Variants in NRXN3 observed in about 807,000 individuals in gnomAD.
The protein encoded by NRXN3 is neurexin III.
A neutral mutation model predicts 137.6 loss-of-function variants in NRXN3; 32 were observed. The observed-to-expected ratio is 0.23, with a 90% CI of 0.18 to 0.31. The LOEUF (loss-of-function observed/expected upper bound fraction) is 0.31, where lower values mean the gene tolerates loss of function less well. Ranked by LOEUF, NRXN3 falls within the 10% of genes least tolerant of loss-of-function variation. The pLI is 1.00. For missense variants in NRXN3, 1,574 were observed against 2,062.5 expected, an observed-to-expected ratio of 0.76 and a Z score of 4.59; for synonymous variants, 798 against 784.5, an observed-to-expected ratio of 1.02 and a Z score of -0.29.
chr14:79,115,106 A>G (rs1247545089), intron 15 of NRXN3, among the ~76,000 whole-genome samples: 1 of 152,044 alleles, frequency 6.6e-6, no homozygotes, highest in African/African-American at 2.4e-5. Flanking sequence ...AGGGCGAATC[A>G]CCTGAGGTCA....
At chr14:79,324,219 A>G (rs2090518835) in intron 15 of NRXN3, among the ~76,000 whole-genome samples, 1 of 152,222 alleles carries the variant, frequency 6.6e-6, no homozygotes, top group African/African-American at 2.4e-5. Flanking sequence ...GCCGTTTAGT[A>G]AAGGAAATGA....
intron 4 of NRXN3, among the ~76,000 whole-genome samples, chr14:78,505,000 A>G (rs900347640): frequency 1.3e-5 from 2 of 152,130 alleles, no homozygotes; most frequent in Non-Finnish European, 2.9e-5. Flanking sequence ...CCCTAAGGTT[A>G]CACAAAGCTC....
At chr14:78,398,822 G>T (rs2091771103) in intron 4 of NRXN3, among the ~76,000 whole-genome samples, 2 of 152,278 alleles carry the variant, frequency 1.3e-5, no homozygotes, top group Middle Eastern at 3.4e-3. Flanking sequence ...TGGAGGTGGA[G>T]GGTTTTGTTG....
chr14:79,473,739 A>G (rs1176864175), intron 16 of NRXN3, among the ~76,000 whole-genome samples: 2 of 147,598 alleles, frequency 1.4e-5, no homozygotes, highest in Non-Finnish European at 3.0e-5. Context: ...ATTTCCTTCC[A>G]TCGCTATTTG....
intron 15 of NRXN3, among the ~76,000 whole-genome samples, chr14:79,381,598 C>T (rs1318042732): frequency 6.6e-6 from 1 of 152,074 alleles, no homozygotes; most frequent in Non-Finnish European, 1.5e-5. Context: ...TCTTTGTACC[C>T]AGGAGTCTAT....
chr14:78,673,948 C>T (rs780356327), intron 6 of NRXN3, among the ~76,000 whole-genome samples: 12 of 152,170 alleles, frequency 7.9e-5, no homozygotes, highest in Admixed American at 2.6e-4. Flanking sequence ...GGGAGTGGAA[C>T]GTAAGACAGC....
intron 10 of NRXN3, among the ~76,000 whole-genome samples, chr14:78,893,142 C>T (rs1008661355): frequency 3.3e-4 from 50 of 151,902 alleles, no homozygotes; most frequent in Admixed American, 5.2e-4. Flanking sequence ...TCTTTCTCTT[C>T]CCCTGGGTCA....
chr14:79,579,472 T>G (rs981181119), intron 16 of NRXN3, among the ~76,000 whole-genome samples: 1 of 151,444 alleles, frequency 6.6e-6, no homozygotes, highest in African/African-American at 2.4e-5. Flanking sequence ...ATGTAGCCAA[T>G]CTATGTGTGA....
chr14:79,195,100 G>A (rs1003641208), intron 15 of NRXN3, among the ~76,000 whole-genome samples: 11 of 152,012 alleles, frequency 7.2e-5, no homozygotes, highest in Middle Eastern at 3.4e-3. Context: ...GAGTGATAAC[G>A]AATGATGTCT....
chr14:79,760,639 G>C (rs1221534940), intron 19 of NRXN3: 3 of 151,466 alleles, frequency 2.0e-5, no homozygotes, highest in East Asian at 1.9e-4. Flanking sequence ...TGCAAAGAAA[G>C]AGCCTTACCC....
intron 1 of NRXN3, among the ~76,000 whole-genome samples, chr14:78,241,366 A>G (rs974917897): frequency 5.3e-5 from 8 of 152,202 alleles, no homozygotes; most frequent in Non-Finnish European, 1.0e-4. Context: ...GCTGTGGCTC[A>G]TGCCTGTAAT....
At chr14:78,652,940 A>C (rs1414653912) in intron 6 of NRXN3, among the ~76,000 whole-genome samples, 1 of 152,238 alleles carries the variant, frequency 6.6e-6, no homozygotes, top group Non-Finnish European at 1.5e-5. Flanking sequence ...GCACATACTA[A>C]ATGCTCTAAT....
At chr14:78,456,797 CTCTCTT>C (rs1358599093) in intron 4 of NRXN3, among the ~76,000 whole-genome samples, 8 of 147,736 alleles carry the variant, frequency 5.4e-5, no homozygotes, top group Admixed American at 4.1e-4. Context: ...CTCTCTCTTT[CTCTCTT>C]TCTTTCTTTC....
At chr14:78,235,040 G>GGATATATATATATATA (rs2066078673) in intron 1 of NRXN3, among the ~76,000 whole-genome samples, 1 of 103,812 alleles carries the variant, frequency 9.6e-6, no homozygotes, top group Non-Finnish European at 2.1e-5. Flanking sequence ...ATATATATGT[G>GGATATATATATATATA]TGTGTGTGTG....
chr14:79,524,832 G>A (rs1401658029), intron 16 of NRXN3, among the ~76,000 whole-genome samples: 1 of 152,196 alleles, frequency 6.6e-6, no homozygotes, highest in Non-Finnish European at 1.5e-5. Flanking sequence ...GTTCAACCAA[G>A]TGTGGACATC....
chr14:79,799,103 ATCTTCCAGGAAAGGAATACATAGGGC>A (rs1262756282), intron 19 of NRXN3, among the ~76,000 whole-genome samples: 1 of 152,200 alleles, frequency 6.6e-6, no homozygotes, highest in Non-Finnish European at 1.5e-5. Flanking sequence ...GCAATAAAAA[ATCTTCCAGGAAAGGAATACATAGGGC>A]TCCTGCCAGA....
intron 15 of NRXN3, among the ~76,000 whole-genome samples, chr14:79,389,917 G>T (rs1457441643): frequency 6.6e-6 from 1 of 152,174 alleles, no homozygotes. Flanking sequence ...TTTCTGAGTT[G>T]AATTTGATTT....
At chr14:79,278,704 G>A (rs2153437442) in intron 15 of NRXN3, among the ~76,000 whole-genome samples, 2 of 152,340 alleles carry the variant, frequency 1.3e-5, no homozygotes, top group South Asian at 4.1e-4. Context: ...GGGGGTGGCA[G>A]CCACCTTCTG....
chr14:79,390,590 T>G lies in NRXN3; in HGVS notation c.3263-76631T>G, dbSNP rs77643157. Among the ~76,000 whole-genome samples the G allele has an allele frequency of 3.5e-3, 537 of 152,280 alleles. 16 individuals are homozygous for G. The East Asian group carries it at 0.07, about 20-fold the overall frequency. On this transcript the variant is annotated intron_variant, in intron 15 of 20. Coordinates refer to ENST00000335750, the MANE Select transcript of NRXN3 (RefSeq NM_001330195.2). The stretch of plus-strand genomic sequence containing the variant: ...GCAAACTTGTGCCTCTTTCCCAGCC[T>G]TATAAGAAACTGTCCTTCTATCTAA...
Sources: gnomAD v4.1 joint callset for allele counts (sites outside exome capture counted in the v4.1 genomes callset) on GRCh38, gnomAD v4.1.1 for gene constraint, MANE v1.5 for transcripts, NCBI Gene and HGNC (gene_info 2026-07-23, HGNC 2026-07-21) for gene names.